Variants in RYR2 observed in about 807,000 individuals in gnomAD.
The protein encoded by RYR2 is cardiac muscle ryanodine receptor-calcium release channel.
In RYR2, 227 loss-of-function variants were observed where a neutral mutation model predicts 601.1. The ratio of observed to expected loss-of-function variants is 0.38; its 90% CI spans 0.34 to 0.42. The LOEUF (loss-of-function observed/expected upper bound fraction) is 0.42, where lower values mean the gene tolerates loss of function less well. Among genes scored for constraint, RYR2 ranks in the 10% least tolerant of loss-of-function variants. RYR2 has a pLI of 1.00. For synonymous variants in RYR2, 2,223 were observed against 2,175.1 expected (o/e 1.02, Z -0.61); for missense variants, 4,646 against 6,156.5 (o/e 0.75, Z 8.21).
intron 10 of RYR2, among the ~76,000 whole-genome samples, chr1:237,392,049 A>G (rs1702430229): frequency 6.6e-6 from 1 of 152,122 alleles, no homozygotes; most frequent in Non-Finnish European, 1.5e-5. Flanking sequence ...AATAGTAAAA[A>G]TATAACCTAT....
In RYR2 at chr1:237,540,715, T is replaced by TAAAA. The variant is rs61711260; in HGVS notation, c.2907-7703_2907-7700dup. 5.3e-3 allele frequency among the ~76,000 whole-genome samples: 690 copies of TAAAA among 130,382 alleles called. 4 individuals are homozygous for TAAAA. The highest frequency in any genetic ancestry group is 0.018 in the African/African-American group (644 of 35,308). 85.5% of individuals were successfully genotyped at this position (130,382 alleles called of 152,430 possible). On this transcript the variant is annotated intron_variant, in intron 25 of 104. Coordinates refer to ENST00000366574, the MANE Select transcript of RYR2 (RefSeq NM_001035.3). ...AAAGTGAAACTCCGTTTCAAAATAT[T>TAAAA]AAAAAAAAAAAAAAAAGCATACTAG...
At chr1:237,800,519 C>T (rs1372495075) in intron 97 of RYR2, among the ~76,000 whole-genome samples, 1 of 152,108 alleles carries the variant, frequency 6.6e-6, no homozygotes, top group Non-Finnish European at 1.5e-5. Context: ...AACTACTTAG[C>T]ATTTATAATT....
intron 64 of RYR2, 29 bp from the exon 65 acceptor site, chr1:237,700,200 A>C: frequency 4.0e-6 from 5 of 1,250,954 alleles, no homozygotes; most frequent in Non-Finnish European, 5.7e-6. Flanking sequence ...CTGTTGGAAG[A>C]TACGAGTCCT....
intron 1 of RYR2, among the ~76,000 whole-genome samples, chr1:237,254,464 A>G (rs374368798): frequency 6.6e-6 from 1 of 152,174 alleles, no homozygotes; most frequent in South Asian, 2.1e-4. Flanking sequence ...TTAAAATGTG[A>G]TATTTTCAGT....
At chr1:237,121,318 T>C (rs1462488109) in intron 1 of RYR2, among the ~76,000 whole-genome samples, 1 of 152,192 alleles carries the variant, frequency 6.6e-6, no homozygotes, top group Non-Finnish European at 1.5e-5. Context: ...TGTTTTTGAC[T>C]ACCAGCTTAG....
chr1:237,239,234 C>T (rs776931940), intron 1 of RYR2, among the ~76,000 whole-genome samples: 1 of 152,026 alleles, frequency 6.6e-6, no homozygotes, highest in African/African-American at 2.4e-5. Context: ...GGGTAATACC[C>T]GAGGCTTGTT....
chr1:237,818,546 T>C (rs1891246), intron 100 of RYR2, among the ~76,000 whole-genome samples: 2 of 151,774 alleles, frequency 1.3e-5, no homozygotes, highest in Non-Finnish European at 2.9e-5. Flanking sequence ...AAGTAGAAAA[T>C]AATTTCAGCA....
intron 62 of RYR2, among the ~76,000 whole-genome samples, chr1:237,681,648 A>G (rs1533772): frequency 0.36 from 54,588 of 152,090 alleles, 9,946 homozygotes; most frequent in South Asian, 0.41. Context: ...TTGTTTCCAC[A>G]AATTGCTGCC....
At chr1:237,481,821 A>C (rs1027595170) in intron 17 of RYR2, among the ~76,000 whole-genome samples, 11 of 149,192 alleles carry the variant, frequency 7.4e-5, no homozygotes, top group African/African-American at 2.7e-4. Context: ...AAAAAAAAAA[A>C]AAAAAAAAAA....
At chr1:237,556,880 CAAAAAAAAAAAAAA>C (rs869116177) in intron 27 of RYR2, among the ~76,000 whole-genome samples, 3 of 77,834 alleles carry the variant, frequency 3.9e-5, no homozygotes, top group South Asian at 1.2e-3. Context: ...TCCCTCCCAC[CAAAAAAAAAAAAAA>C]AAAAAAAAAA....
intron 1 of RYR2, among the ~76,000 whole-genome samples, chr1:237,124,681 GTCT>G (rs1171663141): frequency 6.6e-6 from 1 of 152,078 alleles, no homozygotes; most frequent in Non-Finnish European, 1.5e-5. Flanking sequence ...TGACCCACAA[GTCT>G]TCTGCTTCTT....
chr1:237,554,885 C>A (rs1670736159), intron 27 of RYR2, among the ~76,000 whole-genome samples: 1 of 151,958 alleles, frequency 6.6e-6, no homozygotes, highest in Non-Finnish European at 1.5e-5. Flanking sequence ...TTGATCACTT[C>A]TCTAAGGGAT....
rs1694434184 is a variant in RYR2, at chr1:237,773,629, C to G, written c.11756C>G (p.Thr3919Ser). Residue 3919 changes from threonine (T) to serine (S), a missense_variant, in exon 87 of 105, where the codon ACT becomes AGT. By Grantham distance (58) the Thr-to-Ser change is moderately conservative. Coordinates refer to ENST00000366574, the MANE Select transcript of RYR2 (RefSeq NM_001035.3). ...AIQVAKQVFN[T>S]LTEYIQGPCT... ...CAAGTGGCAAAACAAGTCTTTAACA[C>G]TCTTACAGAGTATATTCAGGTAAAC... is the stretch of plus-strand genomic sequence containing the variant. The G allele has an allele frequency of 3.1e-6, 5 of 1,612,036 alleles. No individual in the cohort carries two copies. The highest frequency in any genetic ancestry group is 3.4e-6 in the Non-Finnish European group (4 of 1,178,646).
intron 1 of RYR2, among the ~76,000 whole-genome samples, chr1:237,152,697 A>G (rs1227901094): frequency 2.6e-5 from 4 of 152,212 alleles, no homozygotes; most frequent in African/African-American, 9.6e-5. Flanking sequence ...CCAAAACCAT[A>G]AAAACCCCAG....
intron 3 of RYR2, among the ~76,000 whole-genome samples, chr1:237,347,416 C>T (rs561826394): frequency 9.2e-5 from 14 of 152,260 alleles, no homozygotes; most frequent in Non-Finnish European, 1.6e-4. Flanking sequence ...TTTCTACTTT[C>T]GGGATGAATT....
intron 27 of RYR2, among the ~76,000 whole-genome samples, chr1:237,560,881 G>T (rs535970386): frequency 2.0e-5 from 3 of 152,268 alleles, no homozygotes; most frequent in East Asian, 3.9e-4. Flanking sequence ...TGATGGTCCC[G>T]TTGAGGTTAG....
Position 237,212,078 on chromosome 1 carries a change from C to CT in RYR2, c.49-58408dup, listed in dbSNP as rs34586128. On this transcript the variant is annotated intron_variant, in intron 1 of 104. Transcript: ENST00000366574. The stretch of plus-strand genomic sequence containing the variant: ...TTGCAGACATCTCTCTTGTTTTTGA[C>CT]TTTTTTTTTTTGCTGCATATTTTGT... Among the ~76,000 whole-genome samples, 212 of 149,760 alleles carry CT rather than the reference C, an allele frequency of 1.4e-3. 1 individual carries two copies. The highest frequency in any genetic ancestry group is 1.9e-3 in the African/African-American group (76 of 40,584).
intron 24 of RYR2, among the ~76,000 whole-genome samples, chr1:237,519,119 A>G (rs373631248): frequency 1.3e-5 from 2 of 152,084 alleles, no homozygotes; most frequent in East Asian, 3.8e-4. Flanking sequence ...TAAGGAGACT[A>G]TTTGATGCTT....
Position 237,614,164 on chromosome 1 carries a change from A to G in RYR2, c.5036A>G (p.His1679Arg). Residue 1679 changes from histidine (H) to arginine (R), a missense_variant, in exon 37 of 105, where the codon CAT becomes CGT. Physicochemically the swap from His to Arg is conservative, Grantham distance 29. Coordinates refer to ENST00000366574, the MANE Select transcript of RYR2 (RefSeq NM_001035.3). This position sits in a 1 kb window ranked among gnomAD's most constrained non-coding sequence, Gnocchi z 4.3. ...NHRVAHALCS[H>R]VDEPQLLYAI... Reference sequence around the variant, plus strand: ...CGGGTGGCCCATGCCCTGTGCAGCCATGTGGATGAACCTCAGCTCCTCTAT... The same window carrying G: ...CGGGTGGCCCATGCCCTGTGCAGCCGTGTGGATGAACCTCAGCTCCTCTAT... The G allele has an allele frequency of 3.1e-6, 5 of 1,614,026 alleles. No homozygotes were observed. Among genetic ancestry groups the G allele is most frequent in the Non-Finnish European group, 4.2e-6 (5 of 1,179,900 alleles).
Sources: gnomAD v4.1 joint callset for allele counts (sites outside exome capture counted in the v4.1 genomes callset) on GRCh38, gnomAD v4.1.1 for gene constraint, Gnocchi (gnomAD v3.1) non-coding constraint, MANE v1.5 for transcripts, NCBI Gene and HGNC (gene_info 2026-07-23, HGNC 2026-07-21) for gene names.